The following CHRNA7 variants were observed in gnomAD, a reference collection of about 807,000 sequenced individuals.
CHRNA7 encodes neuronal acetylcholine receptor subunit alpha-7.
Under a neutral mutation model 48.0 loss-of-function variants are expected in CHRNA7, and 17 were observed. The observed-to-expected ratio is 0.35, with a 90% CI of 0.24 to 0.53. The LOEUF is 0.53. Among genes scored for constraint, CHRNA7 ranks in the 20% least tolerant of loss-of-function variants. The pLI is 0.92. For missense variants in CHRNA7, 155 were observed against 577.7 expected, an observed-to-expected ratio of 0.27 and a Z score of 7.50; for synonymous variants, 75 against 242.3, an observed-to-expected ratio of 0.31 and a Z score of 6.41.
chr15:32,034,910 G>A (rs1209592420), intron 2 of CHRNA7, among the ~76,000 whole-genome samples: 2 of 152,176 alleles, frequency 1.3e-5, no homozygotes, highest in Non-Finnish European at 2.9e-5. Flanking sequence ...AGAAGATGCT[G>A]AGAGCAGTGA....
At chr15:32,142,349 A>G (rs1473275175) in intron 4 of CHRNA7, among the ~76,000 whole-genome samples, 1 of 152,174 alleles carries the variant, frequency 6.6e-6, no homozygotes, top group African/African-American at 2.4e-5. Context: ...TTTTTGCATC[A>G]ATGCTCCTCA....
intron 2 of CHRNA7, among the ~76,000 whole-genome samples, chr15:32,077,455 A>C (rs892976435): frequency 6.6e-6 from 1 of 152,160 alleles, no homozygotes. Flanking sequence ...CCTTGCCAGC[A>C]TTTGGTGTTG....
chr15:32,113,266 C>T (rs955061905), intron 4 of CHRNA7, among the ~76,000 whole-genome samples: 9 of 152,124 alleles, frequency 5.9e-5, no homozygotes, highest in South Asian at 2.1e-4. Flanking sequence ...TGTCTCTGTC[C>T]GTGCCCTAGT....
chr15:32,036,450 C>T (rs563897955), intron 2 of CHRNA7, among the ~76,000 whole-genome samples: 13 of 152,304 alleles, frequency 8.5e-5, no homozygotes, highest in Non-Finnish European at 1.6e-4. Context: ...TAAATACCAA[C>T]GAGGGCACTT....
chr15:32,041,588 G>T (rs2049449198), intron 2 of CHRNA7, among the ~76,000 whole-genome samples: 1 of 152,216 alleles, frequency 6.6e-6, no homozygotes, highest in Admixed American at 6.5e-5. Flanking sequence ...TGGCCTGGGG[G>T]TTGGGGAACC....
intron 2 of CHRNA7, among the ~76,000 whole-genome samples, chr15:32,083,990 C>T (rs1043851751): frequency 6.6e-6 from 1 of 152,026 alleles, no homozygotes; most frequent in Admixed American, 6.6e-5. Flanking sequence ...ATTAGATGGG[C>T]AATGGAATTT....
chr15:32,091,938 A>T (rs1040163464), intron 2 of CHRNA7, among the ~76,000 whole-genome samples: 1 of 137,892 alleles, frequency 7.3e-6, no homozygotes, highest in Admixed American at 7.8e-5. Flanking sequence ...GTAGCAGGAT[A>T]GTATTAACAT....
chr15:32,112,034 C>T lies in CHRNA7; in HGVS notation c.350+135C>T, dbSNP rs61341441. 2,049 of 684,016 alleles carry T rather than the reference C, an allele frequency of 3.0e-3. 31 individuals are homozygous for T. In the African/African-American group the frequency reaches 0.032, roughly 11 times the overall value. 42.4% of individuals were successfully genotyped at this position (684,016 alleles called of 1,614,324 possible). A position where few individuals can be genotyped will look rare whatever the true frequency, so the allele number is the denominator to read the frequency against. ...GGCCACTGCTCCCTACACGGCTTTC[C>T]GAGCGGCCAGGCCTTTGAGAAGCAG... On this transcript the variant is annotated intron_variant, in intron 4 of 9. Coordinates refer to ENST00000306901, the MANE Select transcript of CHRNA7 (RefSeq NM_000746.6).
At chr15:32,066,247 T>C (rs1004007965) in intron 2 of CHRNA7, among the ~76,000 whole-genome samples, 1 of 152,086 alleles carries the variant, frequency 6.6e-6, no homozygotes, top group African/African-American at 2.4e-5. Flanking sequence ...AAACCTAGGG[T>C]TGGAGGATAT....
chr15:32,061,535 C>T (rs988280468), intron 2 of CHRNA7, among the ~76,000 whole-genome samples: 4 of 152,122 alleles, frequency 2.6e-5, no homozygotes, highest in Admixed American at 1.3e-4. Context: ...AGGCCAGGTA[C>T]GGTGGCTCAC....
chr15:32,119,142 T>C (rs1426817571), intron 4 of CHRNA7, among the ~76,000 whole-genome samples: 1 of 152,208 alleles, frequency 6.6e-6, no homozygotes, highest in Non-Finnish European at 1.5e-5. Context: ...CTCTAACTTC[T>C]AGAAAACTGA....
intron 4 of CHRNA7, among the ~76,000 whole-genome samples, chr15:32,126,784 G>A (rs1278003739): frequency 6.6e-6 from 1 of 152,094 alleles, no homozygotes; most frequent in Non-Finnish European, 1.5e-5. Context: ...AAAAATTATA[G>A]GGAGGTACAT....
intron 4 of CHRNA7, among the ~76,000 whole-genome samples, chr15:32,114,019 AATAT>A (rs57220454): frequency 0.11 from 12,194 of 108,854 alleles, 642 homozygotes; most frequent in Middle Eastern, 0.13. Flanking sequence ...GCTATCTCCA[AATAT>A]ATATATATAT....
chr15:32,069,066 A>G (rs1446282971), intron 2 of CHRNA7, among the ~76,000 whole-genome samples: 2 of 152,218 alleles, frequency 1.3e-5, no homozygotes, highest in Non-Finnish European at 2.9e-5. Context: ...TACATAAAGC[A>G]ATAATTAAAA....
At chr15:32,119,012 G>A (rs552295957) in intron 4 of CHRNA7, among the ~76,000 whole-genome samples, 96 of 151,706 alleles carry the variant, frequency 6.3e-4, no homozygotes, top group African/African-American at 2.2e-3. Flanking sequence ...AAAATAGTGA[G>A]GGAAGAGAAA....
At chr15:32,054,392 T>C (rs59160548) in intron 2 of CHRNA7, among the ~76,000 whole-genome samples, 41,898 of 151,958 alleles carry the variant, frequency 0.28, 7,238 homozygotes, top group East Asian at 0.6. Flanking sequence ...ACACACTGTG[T>C]TAAAGGTCTC....
chr15:32,163,677 C>T lies in CHRNA7; in HGVS notation c.990+342C>T, dbSNP rs1425470762. 2 of 72,772 alleles carry T rather than the reference C, an allele frequency of 2.7e-5. 1 individual carries two copies. Among genetic ancestry groups the T allele is most frequent in the Non-Finnish European group, 5.8e-5 (2 of 34,314 alleles). 4.5% of individuals were successfully genotyped at this position (72,772 alleles called of 1,614,324 possible). A position where few individuals can be genotyped will look rare whatever the true frequency, so the allele number is the denominator to read the frequency against. On this transcript the variant is annotated intron_variant, in intron 9 of 9. Coordinates refer to ENST00000306901, the MANE Select transcript of CHRNA7 (RefSeq NM_000746.6). Reference sequence around the variant, plus strand: ...CTATGTTGGCCAGGCTGATGTCGAACTCCTGACCTCGTGATCTGCCCACCT... The same window carrying T: ...CTATGTTGGCCAGGCTGATGTCGAATTCCTGACCTCGTGATCTGCCCACCT...
chr15:32,147,350 G>A (rs368512790), intron 4 of CHRNA7, among the ~76,000 whole-genome samples: 3 of 152,142 alleles, frequency 2.0e-5, no homozygotes, highest in South Asian at 2.1e-4. Context: ...CATCGCATGC[G>A]ATATACCCAT....
intron 4 of CHRNA7, 89 bp downstream of exon 4, chr15:32,111,988 G>T (rs1160774563): frequency 1.1e-6 from 1 of 879,368 alleles, no homozygotes; most frequent in Non-Finnish European, 1.9e-6. Flanking sequence ...AGAGATGCTG[G>T]ATATGTTATC....
Sources: allele counts gnomAD v4.1 joint callset (sites outside exome capture counted in the v4.1 genomes callset), GRCh38; gene constraint gnomAD v4.1.1; transcripts MANE v1.5; gene names NCBI Gene and HGNC (gene_info 2026-07-23, HGNC 2026-07-21).